The following FBXL7 variants were observed in gnomAD, a reference collection of about 807,000 sequenced individuals.
The protein encoded by FBXL7 is F-box and leucine rich repeat protein 7.
In FBXL7, 12 loss-of-function variants were observed where a neutral mutation model predicts 38.3. The observed-to-expected ratio is 0.31, with a 90% CI of 0.20 to 0.51. The LOEUF (loss-of-function observed/expected upper bound fraction) is 0.51. Among genes scored for constraint, FBXL7 ranks in the 20% least tolerant of loss-of-function variants. FBXL7 has a pLI of 0.98. For missense variants in FBXL7, 567 were observed against 676.4 expected (o/e 0.84, Z 1.79); for synonymous variants, 297 against 300.9 (o/e 0.99, Z 0.13).
intron 2 of FBXL7, among the ~76,000 whole-genome samples, chr5:15,784,819 CT>C: frequency 6.6e-6 from 1 of 152,328 alleles, no homozygotes; most frequent in African/African-American, 2.4e-5. Context: ...TAAACCTCTT[CT>C]TTATAAATGA....
intron 1 of FBXL7, among the ~76,000 whole-genome samples, chr5:15,556,010 T>TATCTATC (rs151334893): frequency 0.08 from 7,941 of 99,476 alleles, 350 homozygotes; most frequent in African/African-American, 0.15. Context: ...TCTATCTATC[T>TATCTATC]ATCTATCATC....
At chr5:15,649,880 A>C (rs1310320724) in intron 2 of FBXL7, among the ~76,000 whole-genome samples, 2 of 152,186 alleles carry the variant, frequency 1.3e-5, no homozygotes, top group Non-Finnish European at 2.9e-5. Flanking sequence ...GGCTGGGTAA[A>C]AAGTGATAAA....
At chr5:15,786,499 G>A (rs1296159929) in intron 2 of FBXL7, among the ~76,000 whole-genome samples, 1 of 152,136 alleles carries the variant, frequency 6.6e-6, no homozygotes, top group African/African-American at 2.4e-5. Flanking sequence ...TCAAAACCCT[G>A]TCAGTCCTTG....
intron 2 of FBXL7, among the ~76,000 whole-genome samples, chr5:15,626,350 C>T (rs1740817409): frequency 6.6e-6 from 1 of 152,172 alleles, no homozygotes; most frequent in Admixed American, 6.6e-5. Flanking sequence ...ATCCAAGAAT[C>T]TTTTAAGCAG....
intron 2 of FBXL7, among the ~76,000 whole-genome samples, chr5:15,875,129 T>C (rs571368119): frequency 6.6e-6 from 1 of 152,284 alleles, no homozygotes; most frequent in Admixed American, 6.5e-5. Flanking sequence ...ACACATCTGA[T>C]CTTTGACAAA....
chr5:15,567,875 C>T (rs955514610), intron 1 of FBXL7, among the ~76,000 whole-genome samples: 4 of 151,928 alleles, frequency 2.6e-5, no homozygotes, highest in African/African-American at 9.7e-5. Flanking sequence ...CGATAGTTTG[C>T]TGGGAATGAT....
At chr5:15,687,411 C>T (rs766559911) in intron 2 of FBXL7, among the ~76,000 whole-genome samples, 16 of 152,196 alleles carry the variant, frequency 1.1e-4, no homozygotes, top group Non-Finnish European at 2.1e-4. Flanking sequence ...TTAGAACCTG[C>T]CCCTGTTCCT....
intron 2 of FBXL7, among the ~76,000 whole-genome samples, chr5:15,661,197 A>G (rs1228087315): frequency 2.0e-5 from 3 of 152,158 alleles, no homozygotes; most frequent in African/African-American, 7.2e-5. Flanking sequence ...AATTCAAATT[A>G]TAAATGTTTA....
At chr5:15,658,959 C>G (rs1272057743) in intron 2 of FBXL7, among the ~76,000 whole-genome samples, 2 of 152,038 alleles carry the variant, frequency 1.3e-5, no homozygotes, top group African/African-American at 4.8e-5. Context: ...GGTTTCCTCC[C>G]CTACCTTCAC....
At chr5:15,586,897 T>C (rs1397194388) in intron 1 of FBXL7, among the ~76,000 whole-genome samples, 2 of 152,242 alleles carry the variant, frequency 1.3e-5, no homozygotes, top group Admixed American at 6.5e-5. Context: ...CACCTGAGAA[T>C]AGGTTGCCAA....
chr5:15,852,797 A>C (rs988604460), intron 2 of FBXL7, among the ~76,000 whole-genome samples: 1 of 152,062 alleles, frequency 6.6e-6, no homozygotes, highest in African/African-American at 2.4e-5. Flanking sequence ...TCTCACCTTG[A>C]GTTTATTCCC....
chr5:15,634,305 GTTCGTTTCT>G (rs1741100158), intron 2 of FBXL7, among the ~76,000 whole-genome samples: 1 of 120,638 alleles, frequency 8.3e-6, no homozygotes, highest in Non-Finnish European at 1.8e-5. Context: ...AACTTTATAT[GTTCGTTTCT>G]TTTTTTTTTT....
At chr5:15,605,125 TTG>T (rs1309043993) in intron 1 of FBXL7, among the ~76,000 whole-genome samples, 1 of 152,168 alleles carries the variant, frequency 6.6e-6, no homozygotes, top group African/African-American at 2.4e-5. Flanking sequence ...AGCAGGGCAG[TTG>T]CTGACTCAGC....
intron 1 of FBXL7, among the ~76,000 whole-genome samples, chr5:15,615,681 C>T (rs974555342): frequency 6.6e-6 from 1 of 152,140 alleles, no homozygotes; most frequent in Non-Finnish European, 1.5e-5. Flanking sequence ...CATGTACTTT[C>T]TTATTCACAT....
At chr5:15,925,415 C>T (rs12517809) in intron 2 of FBXL7, among the ~76,000 whole-genome samples, 67,025 of 152,048 alleles carry the variant, frequency 0.44, 16,572 homozygotes, top group African/African-American at 0.66. Flanking sequence ...ATGAGCACAG[C>T]GTGGATGCAC....
At chr5:15,769,509 G>C (rs1378871533) in intron 2 of FBXL7, among the ~76,000 whole-genome samples, 1 of 152,164 alleles carries the variant, frequency 6.6e-6, no homozygotes, top group African/African-American at 2.4e-5. Flanking sequence ...GACTGTTAAA[G>C]CAAATCAGCA....
intron 2 of FBXL7, among the ~76,000 whole-genome samples, chr5:15,882,613 A>T (rs1339118574): frequency 6.6e-6 from 1 of 152,252 alleles, no homozygotes; most frequent in South Asian, 2.1e-4. Flanking sequence ...AGTCAGAAAC[A>T]GAAATACATC....
rs73752380 is a variant in FBXL7 at position 15,902,542 on chromosome 5, T to A, written c.128-25348T>A. 7.0e-3 allele frequency among the ~76,000 whole-genome samples: 1,073 copies of A among 152,342 alleles called. 19 individuals are homozygous for A. The highest frequency in any genetic ancestry group is 0.024 in the African/African-American group (1,014 of 41,574). On this transcript the variant is annotated intron_variant, in intron 2 of 3. Coordinates refer to ENST00000504595, the MANE Select transcript of FBXL7 (RefSeq NM_012304.5). ...GTACAATCCAGATTTCACATGTGAT[T>A]TACTTTTGTCTGCTCTTATTATCCC...
rs867175842 is a variant in FBXL7 at position 15,937,530 on chromosome 5, A to T, written c.*344A>T. 1 of 108,578 alleles carries T rather than the reference A, an allele frequency of 9.2e-6. No individual in the cohort carries two copies. The allele number at this position is 108,578 out of a possible 1,614,324, so 6.7% of individuals were successfully genotyped here. ...GCCCTTTCCCTCGCACACAGGCCCC[A>T]CCCCCACAGTTCCACGCCCCCCCCC... On this transcript the variant is annotated 3_prime_UTR_variant, in exon 4 of 4. Coordinates refer to ENST00000504595, the MANE Select transcript of FBXL7 (RefSeq NM_012304.5).
Sources: gnomAD v4.1 joint callset for allele counts (sites outside exome capture counted in the v4.1 genomes callset) on GRCh38, gnomAD v4.1.1 for gene constraint, MANE v1.5 for transcripts, NCBI Gene and HGNC (gene_info 2026-07-23, HGNC 2026-07-21) for gene names.